Variants in CLVS1 observed in about 807,000 individuals in gnomAD.
CLVS1 encodes clavesin-1.
Under a neutral mutation model 33.1 loss-of-function variants are expected in CLVS1, and 10 were observed. The observed-to-expected ratio is 0.30, with a 90% CI of 0.19 to 0.51. CLVS1 has a LOEUF of 0.51. Ranked by LOEUF, CLVS1 falls within the 20% of genes least tolerant of loss-of-function variation. CLVS1 has a pLI of 0.97. For missense variants in CLVS1, 343 were observed against 433.4 expected (o/e 0.79, Z 1.85); for synonymous variants, 163 against 166.1 (o/e 0.98, Z 0.14).
At chr8:61,122,216 GAAGA>G (rs1393000749) in intron 1 of CLVS1, among the ~76,000 whole-genome samples, 2 of 152,188 alleles carry the variant, frequency 1.3e-5, no homozygotes, top group East Asian at 1.9e-4. Context: ...AGCAAGATAA[GAAGA>G]AAGAAAGACT....
chr8:60,985,769 C>T, the CLVS1 span, among the ~76,000 whole-genome samples: 2 of 150,076 alleles, frequency 1.3e-5, no homozygotes, highest in African/African-American at 4.9e-5. Context: ...TTTTGTTAAT[C>T]CAGTGGGTTT....
intron 2 of CLVS1, among the ~76,000 whole-genome samples, chr8:61,212,892 CA>C (rs534449854): frequency 3.3e-5 from 5 of 152,152 alleles, no homozygotes; most frequent in Non-Finnish European, 7.3e-5. Flanking sequence ...TAGTGCCCTC[CA>C]TCATCCTCTG....
In CLVS1 at chr8:61,500,907, C is replaced by CTGA. The variant is rs1382522004; in HGVS notation, c.*1367_*1369dup. On this transcript the variant is annotated 3_prime_UTR_variant, in exon 6 of 6. Coordinates refer to ENST00000325897, the MANE Select transcript of CLVS1 (RefSeq NM_173519.3). ...ATTATTCAACTGGTCATAATCACCC[C>CTGA]TGATAATATTATTACTAATCTTAAT... 4 of 152,054 alleles carry CTGA rather than the reference C, an allele frequency of 2.6e-5. No individual in the cohort carries two copies. The South Asian group carries it at 6.2e-4, about 24-fold the overall frequency. The allele number at this position is 152,054 out of a possible 1,614,324, so 9.4% of individuals were successfully genotyped here.
At chr8:61,448,541 T>C (rs1337673791) in intron 3 of CLVS1, among the ~76,000 whole-genome samples, 1 of 152,178 alleles carries the variant, frequency 6.6e-6, no homozygotes, top group Non-Finnish European at 1.5e-5. Context: ...GCCCATCTGC[T>C]AAGCTTTTTA....
At chr8:61,026,480 C>A in the CLVS1 span, among the ~76,000 whole-genome samples, 1 of 152,172 alleles carries the variant, frequency 6.6e-6, no homozygotes, top group Non-Finnish European at 1.5e-5. Flanking sequence ...TTTTGATATT[C>A]CAAAATAACT....
intron 1 of CLVS1, among the ~76,000 whole-genome samples, chr8:61,293,903 T>C (rs926837171): frequency 2.6e-5 from 4 of 152,154 alleles, no homozygotes; most frequent in Non-Finnish European, 5.9e-5. Flanking sequence ...TTTGTATTAA[T>C]TTAAATTTAT....
intron 2 of CLVS1, among the ~76,000 whole-genome samples, chr8:61,148,841 C>T (rs73257951): frequency 0.019 from 2,823 of 152,170 alleles, 88 homozygotes; most frequent in African/African-American, 0.064. Flanking sequence ...GTGTGTGTGC[C>T]GACACATGTG....
chr8:61,369,408 A>C (rs1355758336), intron 2 of CLVS1, among the ~76,000 whole-genome samples: 1 of 152,218 alleles, frequency 6.6e-6, no homozygotes, highest in Non-Finnish European at 1.5e-5. Context: ...TGAATTATGT[A>C]AGAGTTATTA....
intron 2 of CLVS1, among the ~76,000 whole-genome samples, chr8:61,160,750 C>T (rs11985599): frequency 0.017 from 2,609 of 152,210 alleles, 77 homozygotes; most frequent in African/African-American, 0.06. Flanking sequence ...ATGGAATTGA[C>T]AAACACCCTT....
At chr8:61,124,673 C>T (rs749330503) in intron 1 of CLVS1, among the ~76,000 whole-genome samples, 3 of 152,198 alleles carry the variant, frequency 2.0e-5, no homozygotes, top group Non-Finnish European at 4.4e-5. Flanking sequence ...CCTCAAACTC[C>T]TCATCTGGGA....
At chr8:61,443,439 T>G (rs1374424695) in intron 3 of CLVS1, among the ~76,000 whole-genome samples, 1 of 145,688 alleles carries the variant, frequency 6.9e-6, no homozygotes, top group Non-Finnish European at 1.6e-5. Flanking sequence ...AGTCAGGTAT[T>G]TTTTTGTTTT....
At chr8:61,434,380 AAG>A (rs1217224836) in intron 3 of CLVS1, among the ~76,000 whole-genome samples, 2 of 152,230 alleles carry the variant, frequency 1.3e-5, no homozygotes, top group Non-Finnish European at 2.9e-5. Flanking sequence ...TGTCAACGAA[AAG>A]AGTCAAACTC....
the CLVS1 span, among the ~76,000 whole-genome samples, chr8:60,993,017 T>G: frequency 6.6e-6 from 1 of 152,206 alleles, no homozygotes; most frequent in Non-Finnish European, 1.5e-5. Flanking sequence ...GAAAGGGGGC[T>G]GGAGCACTAA....
intron 2 of CLVS1, among the ~76,000 whole-genome samples, chr8:61,195,280 G>A (rs756989847): frequency 5.9e-5 from 9 of 152,002 alleles, no homozygotes; most frequent in African/African-American, 2.2e-4. Flanking sequence ...ATCAGGAAGG[G>A]TGGGAGACAG....
At chr8:61,071,433 C>G (rs1176511977) in intron 1 of CLVS1, among the ~76,000 whole-genome samples, 2 of 152,184 alleles carry the variant, frequency 1.3e-5, no homozygotes, top group Non-Finnish European at 2.9e-5. Flanking sequence ...CCTCTTGCTT[C>G]CATAATCATG....
intron 5 of CLVS1, among the ~76,000 whole-genome samples, chr8:61,473,938 G>A (rs192452250): frequency 1.3e-5 from 2 of 152,264 alleles, no homozygotes; most frequent in Non-Finnish European, 2.9e-5. Flanking sequence ...GAGTAGTCAT[G>A]TAGGCTGTTT....
chr8:61,106,528 G>A (rs538824222), intron 1 of CLVS1, among the ~76,000 whole-genome samples: 2 of 152,352 alleles, frequency 1.3e-5, no homozygotes, highest in South Asian at 2.1e-4. Context: ...GAGGATTAGA[G>A]AGAGGAAAAT....
chr8:60,986,829 G>C, the CLVS1 span, among the ~76,000 whole-genome samples: 2 of 152,298 alleles, frequency 1.3e-5, no homozygotes, highest in Admixed American at 6.5e-5. Context: ...AATGAGAACA[G>C]GTGGGTAATT....
chr8:61,203,635 G>C (rs1006723299), intron 2 of CLVS1, among the ~76,000 whole-genome samples: 2 of 152,132 alleles, frequency 1.3e-5, no homozygotes, highest in African/African-American at 4.8e-5. Context: ...GGGGAGGAAA[G>C]TCTTTGAAGA....
Sources: allele counts gnomAD v4.1 joint callset (sites outside exome capture counted in the v4.1 genomes callset), GRCh38; gene constraint gnomAD v4.1.1; transcripts MANE v1.5; gene names NCBI Gene and HGNC (gene_info 2026-07-23, HGNC 2026-07-21).